The following NBEA variants were observed in gnomAD, a reference collection of about 807,000 sequenced individuals.
NBEA encodes the protein neurobeachin, also known as lysosomal-trafficking regulator 2.
A neutral mutation model predicts 343.4 loss-of-function variants in NBEA; 44 were observed. The observed-to-expected ratio is 0.13, with a 90% confidence interval of 0.10 to 0.16. NBEA has a LOEUF of 0.16. NBEA is among the 10% of genes least tolerant of loss of function. The probability of loss-of-function intolerance (pLI) is 1.00; values close to 1 mark genes in which losing one functional copy is unlikely to be tolerated. For missense variants in NBEA, 2,555 were observed against 3,631.3 expected (o/e 0.70, Z 7.62); for synonymous variants, 1,175 against 1,238.7 (o/e 0.95, Z 1.08).
intron 8 of NBEA, among the ~76,000 whole-genome samples, chr13:35,069,382 CT>C (rs1395101583): frequency 6.6e-6 from 1 of 151,390 alleles, no homozygotes; most frequent in African/African-American, 2.4e-5. Flanking sequence ...AACTTCTCTT[CT>C]GAGTTTTGTA....
intron 47 of NBEA, among the ~76,000 whole-genome samples, chr13:35,603,498 T>C (rs1007656231): frequency 6.6e-6 from 1 of 152,172 alleles, no homozygotes. Context: ...AGGTTAATAA[T>C]GACCACATAT....
chr13:35,452,334 G>T (rs1039761791), intron 40 of NBEA, 99 bp downstream of exon 40: 9 of 831,816 alleles, frequency 1.1e-5, no homozygotes, highest in South Asian at 1.7e-5. Flanking sequence ...GCCAATGGTT[G>T]TAACAATGCT....
chr13:35,156,335 T>A, intron 20 of NBEA, 129 bp downstream of exon 20: 1 of 901,410 alleles, frequency 1.1e-6, no homozygotes, highest in Non-Finnish European at 1.6e-6. Flanking sequence ...AGGCATTTTA[T>A]GTTTCTTTGA....
intron 46 of NBEA, among the ~76,000 whole-genome samples, chr13:35,587,495 G>A (rs550116553): frequency 2.0e-5 from 3 of 152,124 alleles, no homozygotes; most frequent in Non-Finnish European, 4.4e-5. Context: ...GACACCTCTT[G>A]CAGGTACTTT....
intron 38 of NBEA, among the ~76,000 whole-genome samples, chr13:35,422,403 G>T (rs1226524927): frequency 6.7e-6 from 1 of 150,240 alleles, no homozygotes; most frequent in East Asian, 2.0e-4. Context: ...GCGGTGTTTG[G>T]TTTTTTGTCC....
intron 10 of NBEA, among the ~76,000 whole-genome samples, chr13:35,083,277 A>G (rs969962314): frequency 1.1e-4 from 17 of 152,008 alleles, no homozygotes; most frequent in African/African-American, 3.6e-4. Flanking sequence ...ATTGGTCTAT[A>G]TCTCTGTTTT....
intron 34 of NBEA, among the ~76,000 whole-genome samples, chr13:35,286,212 A>G (rs1380087182): frequency 1.3e-5 from 2 of 152,224 alleles, no homozygotes; most frequent in Middle Eastern, 3.4e-3. Flanking sequence ...ATTAGACAAT[A>G]TGTTTGGTAA....
chr13:35,303,005 A>G (rs1017285057), intron 35 of NBEA, among the ~76,000 whole-genome samples: 3 of 152,172 alleles, frequency 2.0e-5, no homozygotes, highest in African/African-American at 7.2e-5. Flanking sequence ...GTTGCTTTAA[A>G]TTCCTATATC....
chr13:35,589,683 C>A (rs1004339821), intron 46 of NBEA, among the ~76,000 whole-genome samples: 1 of 152,006 alleles, frequency 6.6e-6, no homozygotes, highest in Non-Finnish European at 1.5e-5. Flanking sequence ...AACAGGGAAA[C>A]GGCATTAGAT....
chr13:34,957,916 A>G (rs2059549677), intron 1 of NBEA, among the ~76,000 whole-genome samples: 2 of 152,066 alleles, frequency 1.3e-5, no homozygotes, highest in Admixed American at 1.3e-4. Flanking sequence ...TTGTTTGTGT[A>G]CAGCTATACT....
chr13:35,257,985 A>C (rs2032810306), intron 34 of NBEA, among the ~76,000 whole-genome samples: 1 of 152,100 alleles, frequency 6.6e-6, no homozygotes, highest in East Asian at 1.9e-4. Flanking sequence ...TCACTTTTAC[A>C]AAAGATTTTA....
chr13:35,136,684 A>G (rs73167771), intron 17 of NBEA, among the ~76,000 whole-genome samples: 7,109 of 152,324 alleles, frequency 0.047, 211 homozygotes, highest in South Asian at 0.068. Context: ...ATTCAGTGCC[A>G]AAAGAAATAA....
chr13:35,615,969 G>A (rs7989094), intron 48 of NBEA, among the ~76,000 whole-genome samples: 34,686 of 152,044 alleles, frequency 0.23, 4,171 homozygotes, highest in African/African-American at 0.25. Flanking sequence ...CTGAGGAAGT[G>A]CCAGCTCTCT....
chr13:35,114,159 G>A (rs1231048645), intron 13 of NBEA, among the ~76,000 whole-genome samples: 1 of 151,952 alleles, frequency 6.6e-6, no homozygotes, highest in South Asian at 2.1e-4. Context: ...TTGCTTCTAC[G>A]TACTTTTAGT....
chr13:35,124,776 A>G (rs1285462987), intron 17 of NBEA, among the ~76,000 whole-genome samples: 22 of 149,354 alleles, frequency 1.5e-4, no homozygotes, highest in Non-Finnish European at 2.7e-4. Flanking sequence ...ATACACACAT[A>G]TATGGATATA....
chr13:35,322,154 ACTC>A (rs1471312452), intron 36 of NBEA, among the ~76,000 whole-genome samples: 1 of 151,258 alleles, frequency 6.6e-6, no homozygotes, highest in East Asian at 1.9e-4. Flanking sequence ...TGAAAAAAAA[ACTC>A]CTGCAGCTAG....
chr13:35,498,328 T>C (rs2076760989), intron 41 of NBEA, among the ~76,000 whole-genome samples: 1 of 152,046 alleles, frequency 6.6e-6, no homozygotes, highest in African/African-American at 2.4e-5. Flanking sequence ...TAATTACTGT[T>C]CAATTTATTC....
At chr13:35,065,398 T>C (rs2063614267) in intron 8 of NBEA, among the ~76,000 whole-genome samples, 1 of 152,038 alleles carries the variant, frequency 6.6e-6, no homozygotes, top group Non-Finnish European at 1.5e-5. Context: ...TTCTTTTTCC[T>C]TATATCTAGT....
intron 57 of NBEA, 106 bp downstream of exon 57, chr13:35,667,676 A>C (rs2085424541): frequency 1.8e-6 from 2 of 1,103,342 alleles, no homozygotes; most frequent in African/African-American, 1.6e-5. Flanking sequence ...ATCCAGATAA[A>C]TGTGTTCTAG....
Sources: gnomAD v4.1 joint callset for allele counts (sites outside exome capture counted in the v4.1 genomes callset) on GRCh38, gnomAD v4.1.1 for gene constraint, MANE v1.5 for transcripts, NCBI Gene and HGNC (gene_info 2026-07-23, HGNC 2026-07-21) for gene names.